KPNA1: variants seen among roughly 807,000 people sequenced by gnomAD.
KPNA1 encodes karyopherin subunit alpha 1, also known as importin subunit alpha-5.
KPNA1 carries 10 observed loss-of-function variants against 70.5 expected under a neutral mutation model. The observed-to-expected ratio is 0.14, with a 90% confidence interval of 0.09 to 0.24. The LOEUF (loss-of-function observed/expected upper bound fraction) is 0.24, where lower values mean the gene tolerates loss of function less well. KPNA1 is among the 10% of genes least tolerant of loss of function. The probability of loss-of-function intolerance (pLI) is 1.00; values close to 1 mark genes in which losing one functional copy is unlikely to be tolerated. For synonymous variants in KPNA1, 192 were observed against 221.9 expected (o/e 0.87, Z 1.20); for missense variants, 397 against 637.9 (o/e 0.62, Z 4.07).
At chr3:122,443,871 C>A (rs1160809415) in intron 9 of KPNA1, among the ~76,000 whole-genome samples, 2 of 152,130 alleles carry the variant, frequency 1.3e-5, no homozygotes, top group Non-Finnish European at 2.9e-5. Context: ...GGTTTCATGT[C>A]CCACTGTACA....
chr3:122,458,197 A>C (rs1385678732), intron 5 of KPNA1, among the ~76,000 whole-genome samples: 1 of 152,240 alleles, frequency 6.6e-6, no homozygotes, highest in Non-Finnish European at 1.5e-5. Flanking sequence ...TCAGCATTGC[A>C]AAGGACAGCA....
Position 122,427,566 on chromosome 3 carries a change from A to G in KPNA1, c.1401T>C (p.Pro467=), listed in dbSNP as rs375851718. ...EAKRNGTGIN[P]YCALIEEAYG... is the part of the protein sequence containing the mutation. ...AAGCTTCTTCAATCAAAGCACAGTA[A>G]GGGTTAATGCCAGTGCCATTCCTTT... Residue 467 remains proline (P), a synonymous_variant, in exon 13 of 14, where the codon CCT becomes CCC. Transcript: ENST00000344337. 179 of 1,613,418 alleles carry G rather than the reference A, an allele frequency of 1.1e-4. No individual in the cohort carries two copies. The highest frequency in any genetic ancestry group is 1.5e-4 in the Non-Finnish European group (174 of 1,179,844).
In KPNA1 at chr3:122,485,263, T is replaced by C. The variant is rs149542689; in HGVS notation, c.129+11174A>G. ...GTTGGAGCTCTAACACTACCTGATT[T>C]GAAACTAATCTTAAGGCTACAGTTA... On this transcript the variant is annotated intron_variant, in intron 2 of 13. Transcript: ENST00000344337. 4.7e-3 allele frequency among the ~76,000 whole-genome samples: 714 copies of C among 152,264 alleles called. 9 individuals carry two copies. Among genetic ancestry groups the C allele is most frequent in the African/African-American group, 0.017 (690 of 41,542 alleles).
In KPNA1 at chr3:122,426,913, A is replaced by T. The variant is rs1452756044; in HGVS notation, c.*72T>A. On this transcript the variant is annotated 3_prime_UTR_variant, in exon 14 of 14. Coordinates refer to ENST00000344337, the MANE Select transcript of KPNA1 (RefSeq NM_002264.4). Reference sequence around the variant, plus strand: ...CATTTGAGAAGTTAGCTCCATGAGGACTGTGGGCTCCACAAGAGGACTCGA... The same window carrying T: ...CATTTGAGAAGTTAGCTCCATGAGGTCTGTGGGCTCCACAAGAGGACTCGA... 1.7e-6 allele frequency: 2 copies of T among 1,205,040 alleles called. No individual in the cohort carries two copies. Among genetic ancestry groups the T allele is most frequent in the Non-Finnish European group, 2.4e-6 (2 of 830,434 alleles). 74.6% of individuals were successfully genotyped at this position (1,205,040 alleles called of 1,614,324 possible).
intron 1 of KPNA1, among the ~76,000 whole-genome samples, chr3:122,510,658 C>A (rs546706822): frequency 6.6e-6 from 1 of 152,190 alleles, no homozygotes; most frequent in South Asian, 2.1e-4. Context: ...TAAGGAACAT[C>A]TTGCTTAGAC....
rs1293509290 is a variant in KPNA1 at position 122,503,437 on chromosome 3, A to T, written c.-5-6867T>A. Among the ~76,000 whole-genome samples, 6 of 152,366 alleles carry T rather than the reference A, an allele frequency of 3.9e-5. No homozygotes were observed. In the South Asian group the frequency reaches 1.0e-3, roughly 26 times the overall value. On this transcript the variant is annotated intron_variant, in intron 1 of 13. Transcript: ENST00000344337. ...GGAAAGAAATGTTACGCAAAAATTA[A>T]ATATTCAACTGCTTTTTTATTAAAG...
intron 1 of KPNA1, among the ~76,000 whole-genome samples, chr3:122,512,656 C>G (rs1276923770): frequency 6.6e-6 from 1 of 152,128 alleles, no homozygotes; most frequent in Non-Finnish European, 1.5e-5. Flanking sequence ...ACCAGGGAGG[C>G]AGAGGCTGCA....
In KPNA1 at chr3:122,439,773, G is replaced by C. The variant is rs1036611083; in HGVS notation, c.996+2265C>G. The stretch of plus-strand genomic sequence containing the variant: ...CCTGTGTGTGTGACAAGGACCAAAA[G>C]TACGTAATTTGATGGGGATCTAGTA... On this transcript the variant is annotated intron_variant, in intron 10 of 13. Transcript: ENST00000344337. Among the ~76,000 whole-genome samples, 3 of 152,212 alleles carry C rather than the reference G, an allele frequency of 2.0e-5. No homozygotes were observed. The South Asian group carries it at 6.2e-4, about 32-fold the overall frequency.
Position 122,506,607 on chromosome 3 carries a change from T to A in KPNA1, c.-6+8150A>T, listed in dbSNP as rs6780306. Among the ~76,000 whole-genome samples the A allele has an allele frequency of 2.4e-4, 36 of 152,226 alleles. No homozygotes were observed. In the East Asian group the frequency reaches 6.9e-3, roughly 29 times the overall value. ...GTTTGAAAAACCCTTCAATAAAGCT[T>A]TTCCTGTGAGAAGTCAATGTGGCAG... On this transcript the variant is annotated intron_variant, in intron 1 of 13. Transcript: ENST00000344337.
At chr3:122,505,251 C>A in intron 1 of KPNA1, among the ~76,000 whole-genome samples, 1 of 128,238 alleles carries the variant, frequency 7.8e-6, no homozygotes, top group African/African-American at 3.0e-5. Flanking sequence ...TGCAGTGAGC[C>A]AGGATTGTAC....
At chr3:122,435,362 T>C (rs1304803155) in intron 11 of KPNA1, among the ~76,000 whole-genome samples, 1 of 152,152 alleles carries the variant, frequency 6.6e-6, no homozygotes, top group African/African-American at 2.4e-5. Context: ...GTCGTCCACT[T>C]GAGTTACTCT....
intron 2 of KPNA1, among the ~76,000 whole-genome samples, chr3:122,483,963 T>C (rs2076600791): frequency 2.0e-5 from 3 of 152,250 alleles, no homozygotes; most frequent in Non-Finnish European, 2.9e-5. Context: ...TCTATTCCTA[T>C]GTTATTTTTT....
chr3:122,437,105 A>C, intron 11 of KPNA1, 65 bp downstream of exon 11: 2 of 1,538,248 alleles, frequency 1.3e-6, no homozygotes, highest in Non-Finnish European at 1.8e-6. Context: ...TTAAAGGGTG[A>C]CTGAGAAAAA....
intron 10 of KPNA1, among the ~76,000 whole-genome samples, chr3:122,441,726 A>C (rs1001916025): frequency 6.6e-6 from 1 of 152,022 alleles, no homozygotes; most frequent in Non-Finnish European, 1.5e-5. Flanking sequence ...TCAGCCTCCA[A>C]GTAGCTGGAA....
chr3:122,435,154 T>C (rs1027340631), intron 11 of KPNA1, among the ~76,000 whole-genome samples: 6 of 152,226 alleles, frequency 3.9e-5, no homozygotes, highest in African/African-American at 1.2e-4. Context: ...TATATATTTA[T>C]GGGATACAAT....
chr3:122,450,356 TG>T (rs1326331492), intron 8 of KPNA1, among the ~76,000 whole-genome samples: 1 of 151,862 alleles, frequency 6.6e-6, no homozygotes, highest in African/African-American at 2.4e-5. Context: ...CTGAGGTGGG[TG>T]GATCACCTGA....
chr3:122,454,083 GAA>G, intron 5 of KPNA1, 82 bp from the exon 6 acceptor site: 1 of 936,532 alleles, frequency 1.1e-6, no homozygotes, highest in East Asian at 2.8e-5. Flanking sequence ...TTCTGTACAT[GAA>G]AAAAAGATTC....
chr3:122,428,250 T>G (rs1320635340), intron 12 of KPNA1, among the ~76,000 whole-genome samples: 2 of 152,238 alleles, frequency 1.3e-5, no homozygotes, highest in Non-Finnish European at 2.9e-5. Flanking sequence ...AGATTAATCA[T>G]ACTTGAACTT....
intron 2 of KPNA1, among the ~76,000 whole-genome samples, chr3:122,495,958 G>A (rs1179503855): frequency 6.6e-6 from 1 of 152,072 alleles, no homozygotes. Flanking sequence ...AGACAAACAC[G>A]AAGCAAGTGT....
Sources: allele counts gnomAD v4.1 joint callset (sites outside exome capture counted in the v4.1 genomes callset), GRCh38; gene constraint gnomAD v4.1.1; transcripts MANE v1.5; gene names NCBI Gene and HGNC (gene_info 2026-07-23, HGNC 2026-07-21).